Variants in NMRK2 observed in about 807,000 individuals in gnomAD.
The protein encoded by NMRK2 is NRK 2.
A neutral mutation model predicts 24.7 loss-of-function variants in NMRK2; 34 were observed. The ratio of observed to expected loss-of-function variants is 1.37; its 90% CI spans 1.05 to 1.83. The LOEUF is 1.83. NMRK2 is among the 40% of genes most tolerant of loss of function. The pLI is 0.00. For missense variants in NMRK2, 341 were observed against 315.0 expected, an observed-to-expected ratio of 1.08 and a Z score of -0.62; for synonymous variants, 145 against 125.6, an observed-to-expected ratio of 1.15 and a Z score of -1.03.
At chr19:3,934,553 G>GT (rs1206557666) in intron 2 of NMRK2, among the ~76,000 whole-genome samples, 2 of 60,914 alleles carry the variant, frequency 3.3e-5, no homozygotes, top group African/African-American at 9.5e-5. Flanking sequence ...TGTTTTTTGG[G>GT]GTTTTTTTTT....
chr19:3,933,523 G>A lies in NMRK2; in HGVS notation c.-149G>A, dbSNP rs368668268. On this transcript the variant is annotated 5_prime_UTR_variant, in exon 2 of 8. Coordinates refer to ENST00000168977, the MANE Select transcript of NMRK2 (RefSeq NM_170678.3). Reference sequence around the variant, plus strand: ...CGCCTCCGCCCCATCCCCAGGGGCCGCCTCCCCCGGGGCGGCCTCCAGGCT... The same window carrying A: ...CGCCTCCGCCCCATCCCCAGGGGCCACCTCCCCCGGGGCGGCCTCCAGGCT... The A allele has an allele frequency of 2.4e-6, 2 of 826,160 alleles. No homozygotes were observed. The highest frequency in any genetic ancestry group is 3.5e-6 in the Non-Finnish European group (2 of 563,996). The allele number at this position is 826,160 out of a possible 1,614,324, so 51.2% of individuals were successfully genotyped here.
In NMRK2 at chr19:3,942,144, G is replaced by C; in HGVS notation, c.564G>C (p.Gln188His). Reference sequence around the variant, plus strand: ...TCCGTGAAGTCCTGGAAGACATTCAGAACTCGCTGCTGAACCGCTCCCAGG... The same window carrying C: ...TCCGTGAAGTCCTGGAAGACATTCACAACTCGCTGCTGAACCGCTCCCAGG... ...ELFREVLEDI[Q>H]NSLLNRSQES... Residue 188 changes from glutamine (Q) to histidine (H), a missense_variant, in exon 8 of 8, where the codon CAG becomes CAC. Coordinates refer to ENST00000168977, the MANE Select transcript of NMRK2 (RefSeq NM_170678.3). 6.2e-7 allele frequency: 1 copy of C among 1,613,346 alleles called. No individual in the cohort carries two copies. Among genetic ancestry groups the C allele is most frequent in the Non-Finnish European group, 8.5e-7 (1 of 1,180,016 alleles).
rs1568180814 is a variant in NMRK2, at chr19:3,938,829, TTTTTTTTTTTTTTTG to T, written c.323+75_323+89del. 3.3e-5 allele frequency: 19 copies of T among 569,654 alleles called. No individual in the cohort carries two copies. In the African/African-American group the frequency reaches 4.1e-4, roughly 12 times the overall value. 35.3% of individuals were successfully genotyped at this position (569,654 alleles called of 1,614,324 possible). A position where few individuals can be genotyped will look rare whatever the true frequency, so the allele number is the denominator to read the frequency against. ...CGGGTATAGCCATCTCTTGTTTTTT[TTTTTTTTTTTTTTTG>T]TTTTGTTTTTTTTTTTTTTTGAGAC... On this transcript the variant is annotated intron_variant, in intron 5 of 7. Coordinates refer to ENST00000168977, the MANE Select transcript of NMRK2 (RefSeq NM_170678.3).
rs1414023106 is a variant in NMRK2 at position 3,933,454 on chromosome 19, G to C, written c.-214-4G>C. 3 of 516,282 alleles carry C rather than the reference G, an allele frequency of 5.8e-6. No homozygotes were observed. Among genetic ancestry groups the C allele is most frequent in the Non-Finnish European group, 1.0e-5 (3 of 294,228 alleles). The allele number at this position is 516,282 out of a possible 1,614,324, so 32.0% of individuals were successfully genotyped here. A position where few individuals can be genotyped will look rare whatever the true frequency, so the allele number is the denominator to read the frequency against. The stretch of plus-strand genomic sequence containing the variant: ...AGCTCGTGACTAATTTAGGCAAAAG[G>C]CAGCCTGGAGCTATTTCCATTCGGC... On this transcript the variant is annotated splice_polypyrimidine_tract_variant and splice_region_variant and intron_variant, in intron 1 of 7. Transcript: ENST00000168977.
chr19:3,938,836 TTTTTTTTGTTTTG>T (rs2039271673), intron 5 of NMRK2, 77 bp downstream of exon 5: 5 of 573,218 alleles, frequency 8.7e-6, no homozygotes, highest in African/African-American at 4.5e-5. Context: ...TTTTTTTTTT[TTTTTTTTGTTTTG>T]TTTTTTTTTT....
Position 3,942,067 on chromosome 19 carries a change from G to C in NMRK2, c.503-16G>C. 1.2e-6 allele frequency: 2 copies of C among 1,609,808 alleles called. No individual in the cohort carries two copies. Among genetic ancestry groups the C allele is most frequent in the Non-Finnish European group, 8.5e-7 (1 of 1,177,208 alleles). ...CCTTCCTCCCGGCAGCCCTGACGCA[G>C]CCTTTCTGATTTCAGTCTACCTGGA... On this transcript the variant is annotated splice_polypyrimidine_tract_variant and intron_variant, in intron 7 of 7. Coordinates refer to ENST00000168977, the MANE Select transcript of NMRK2 (RefSeq NM_170678.3).
rs888223245 is a variant in NMRK2, at chr19:3,941,697, C to T, written c.503-386C>T. Among the ~76,000 whole-genome samples the T allele has an allele frequency of 9.9e-5, 15 of 152,000 alleles. 1 individual carries two copies. Among genetic ancestry groups the T allele is most frequent in the Middle Eastern group, 3.4e-3 (1 of 292 alleles). ...TTGTTCTGTCGCCCAGGCTGGAGTG[C>T]AGTGGCGCGATCTTGGCTCACGGCA... On this transcript the variant is annotated intron_variant, in intron 7 of 7. Transcript: ENST00000168977.
rs1225461143 is a variant in NMRK2, at chr19:3,939,907, G to A, written c.331G>A (p.Val111Met). 1.9e-6 allele frequency: 3 copies of A among 1,612,648 alleles called. No homozygotes were observed. In the South Asian group the frequency reaches 3.3e-5, roughly 18 times the overall value. Reference sequence around the variant, plus strand: ...CTCCCCCACTCCGCCCAGGCCCCTGGTGGACTTGTACAGCCGCCGGTACTT... The same window carrying A: ...CTCCCCCACTCCGCCCAGGCCCCTGATGGACTTGTACAGCCGCCGGTACTT... ...GFLLYSYKPL[V>M]DLYSRRYFLT... is the part of the protein sequence containing the mutation. Residue 111 changes from valine (V) to methionine (M), a missense_variant, in exon 6 of 8, where the codon GTG becomes ATG. Transcript: ENST00000168977.
At position 3,942,191 on chromosome 19, in the gene NMRK2, G is replaced by A. The variant is rs749330791; in HGVS notation, c.611G>A (p.Arg204His). The change falls in exon 8 of 8, where the codon CGC becomes CAC. Residue 204 changes from arginine to histidine, a missense_variant. Coordinates refer to ENST00000168977, the MANE Select transcript of NMRK2 (RefSeq NM_170678.3). The stretch of plus-strand genomic sequence containing the variant: ...CAGGAATCAGCCCCCTCCCCGGCTC[G>A]CCCAGCCAGGACACAGGGACCCGGA... ...RSQESAPSPA[R>H]PARTQGPGRG... 5.6e-6 allele frequency: 9 copies of A among 1,613,094 alleles called. No homozygotes were observed. The highest frequency in any genetic ancestry group is 2.2e-5 in the South Asian group (2 of 91,068).
intron 4 of NMRK2, among the ~76,000 whole-genome samples, chr19:3,937,851 G>A (rs1418425152): frequency 1.9e-4 from 11 of 57,606 alleles, no homozygotes; most frequent in Middle Eastern, 0.019. Flanking sequence ...CTCCTGCAAT[G>A]CCCGCTCCCC....
At chr19:3,936,733 C>T in intron 3 of NMRK2, 68 bp downstream of exon 3, 1 of 1,341,346 alleles carries the variant, frequency 7.5e-7, no homozygotes, top group South Asian at 1.4e-5. Flanking sequence ...GCCCGGCCAG[C>T]CCCGCCCTCC....
rs941902581 is a variant in NMRK2 at position 3,933,594 on chromosome 19, G to T, written c.-78G>T. 1.4e-6 allele frequency: 2 copies of T among 1,476,488 alleles called. No homozygotes were observed. The highest frequency in any genetic ancestry group is 2.9e-5 in the African/African-American group (2 of 68,888). 91.5% of individuals were successfully genotyped at this position (1,476,488 alleles called of 1,614,324 possible). Reference sequence around the variant, plus strand: ...CAGGTTTTCTCAATGAAGCCGGGACGCACTCCGGAGCGCACTGCGTGGTCG... The same window carrying T: ...CAGGTTTTCTCAATGAAGCCGGGACTCACTCCGGAGCGCACTGCGTGGTCG... On this transcript the variant is annotated 5_prime_UTR_variant, in exon 2 of 8. Transcript: ENST00000168977.
chr19:3,940,494 G>A (rs753576303), intron 6 of NMRK2, among the ~76,000 whole-genome samples: 1 of 150,950 alleles, frequency 6.6e-6, no homozygotes, highest in Non-Finnish European at 1.5e-5. Context: ...ACAAAAATTA[G>A]GGAGGCCGAG....
intron 4 of NMRK2, among the ~76,000 whole-genome samples, chr19:3,938,106 TG>T (rs2039248102): frequency 7.1e-5 from 3 of 42,180 alleles, no homozygotes; most frequent in South Asian, 1.0e-3. Context: ...ACTGTTCCCC[TG>T]GGGTCCGCCC....
At chr19:3,940,066 G>T in intron 6 of NMRK2, 95 bp downstream of exon 6, 1 of 1,074,782 alleles carries the variant, frequency 9.3e-7, no homozygotes, top group Admixed American at 2.0e-5. Flanking sequence ...GCCACTGGGG[G>T]CTGGGCACAG....
At chr19:3,934,931 C>T (rs905919019) in intron 2 of NMRK2, among the ~76,000 whole-genome samples, 3 of 152,092 alleles carry the variant, frequency 2.0e-5, no homozygotes, top group Admixed American at 6.6e-5. Flanking sequence ...TTGCACTCAG[C>T]GCTGCAAATG....
intron 4 of NMRK2, among the ~76,000 whole-genome samples, chr19:3,938,130 T>C (rs76845164): frequency 4.9e-3 from 298 of 60,438 alleles, no homozygotes; most frequent in South Asian, 0.012. Context: ...CTGCAATACC[T>C]GCTCCCCGTC....
chr19:3,934,917 C>T (rs2039187538), intron 2 of NMRK2, among the ~76,000 whole-genome samples: 2 of 152,116 alleles, frequency 1.3e-5, no homozygotes, highest in South Asian at 4.1e-4. Flanking sequence ...CTCGAATTTT[C>T]ATTTTGCACT....
intron 2 of NMRK2, among the ~76,000 whole-genome samples, chr19:3,935,132 G>A (rs2039192012): frequency 2.0e-5 from 3 of 151,934 alleles, no homozygotes; most frequent in Admixed American, 1.3e-4. Context: ...TAATCCTCCT[G>A]CCTCAGCCTC....
Sources: gnomAD v4.1 joint callset for allele counts (sites outside exome capture counted in the v4.1 genomes callset) on GRCh38, gnomAD v4.1.1 for gene constraint, MANE v1.5 for transcripts, NCBI Gene and HGNC (gene_info 2026-07-23, HGNC 2026-07-21) for gene names.